TYW1: variants seen among roughly 807,000 people sequenced by gnomAD.
TYW1 encodes tRNA-yW synthesizing protein 1 homolog.
A neutral mutation model predicts 96.2 loss-of-function variants in TYW1; 46 were observed. The ratio of observed to expected loss-of-function variants is 0.48; its 90% CI spans 0.38 to 0.61. The LOEUF (loss-of-function observed/expected upper bound fraction) is 0.61. TYW1 is among the 20% of genes least tolerant of loss of function. The pLI, the probability that TYW1 is intolerant of heterozygous loss-of-function variation, is 0.00. For synonymous variants in TYW1, 274 were observed against 323.0 expected, an observed-to-expected ratio of 0.85 and a Z score of 1.63; for missense variants, 684 against 909.6, an observed-to-expected ratio of 0.75 and a Z score of 3.19.
chr7:67,046,249 T>C (rs544148371), intron 7 of TYW1, among the ~76,000 whole-genome samples: 2 of 152,276 alleles, frequency 1.3e-5, no homozygotes, highest in East Asian at 3.9e-4. Flanking sequence ...TAATTCTCTC[T>C]TTTCCCTGAT....
chr7:67,179,965 A>G (rs1459477809), intron 13 of TYW1, among the ~76,000 whole-genome samples: 3 of 106,022 alleles, frequency 2.8e-5, no homozygotes, highest in African/African-American at 8.7e-5. Flanking sequence ...CCCAAGCTCA[A>G]GCAATCCTCC....
intron 13 of TYW1, among the ~76,000 whole-genome samples, chr7:67,136,681 G>GTA (rs1563033290): frequency 3.1e-5 from 4 of 129,426 alleles, no homozygotes; most frequent in African/African-American, 1.1e-4. Context: ...GTGTGTGTGT[G>GTA]TGTGTATATA....
intron 15 of TYW1, among the ~76,000 whole-genome samples, chr7:67,226,818 C>T (rs1404198327): frequency 1.3e-5 from 2 of 152,078 alleles, no homozygotes; most frequent in East Asian, 3.9e-4. Flanking sequence ...TCACTTCTCC[C>T]TCAGACGACC....
intron 13 of TYW1, among the ~76,000 whole-genome samples, chr7:67,118,764 C>T (rs145950766): frequency 5.2e-4 from 79 of 151,316 alleles, no homozygotes; most frequent in East Asian, 3.5e-3. Context: ...CCTGTGGTCC[C>T]AGCTACTCAG....
intron 15 of TYW1, among the ~76,000 whole-genome samples, chr7:67,209,909 A>C (rs1302948345): frequency 6.6e-6 from 1 of 152,040 alleles, no homozygotes; most frequent in Non-Finnish European, 1.5e-5. Context: ...GTTTTACAGA[A>C]GTTTTTGATT....
intron 10 of TYW1, among the ~76,000 whole-genome samples, chr7:67,077,276 T>A (rs1796235996): frequency 6.6e-6 from 1 of 152,230 alleles, no homozygotes; most frequent in Admixed American, 6.5e-5. Flanking sequence ...GTGGGGTTGC[T>A]GGATCATATG....
chr7:67,102,349 C>T (rs915710892), intron 12 of TYW1, among the ~76,000 whole-genome samples: 16 of 152,198 alleles, frequency 1.1e-4, no homozygotes, highest in African/African-American at 3.9e-4. Flanking sequence ...GGTGAGTCTT[C>T]TCAGGCCTGC....
intron 14 of TYW1, among the ~76,000 whole-genome samples, chr7:67,194,239 AG>A (rs1800315636): frequency 6.6e-6 from 1 of 152,000 alleles, no homozygotes; most frequent in East Asian, 1.9e-4. Context: ...TTGTGTGTAA[AG>A]GTATATAGGT....
At chr7:67,042,865 C>G (rs1345820007) in intron 7 of TYW1, among the ~76,000 whole-genome samples, 1 of 151,904 alleles carries the variant, frequency 6.6e-6, no homozygotes, top group East Asian at 1.9e-4. Context: ...GATGTGGTGG[C>G]ACACGCCTGT....
At chr7:67,109,989 C>A (rs1455269403) in intron 12 of TYW1, among the ~76,000 whole-genome samples, 1 of 152,156 alleles carries the variant, frequency 6.6e-6, no homozygotes, top group African/African-American at 2.4e-5. Context: ...AAGTCTCATT[C>A]CTGGGAAATT....
At chr7:67,184,864 C>T (rs1455992078) in intron 14 of TYW1, among the ~76,000 whole-genome samples, 2 of 151,518 alleles carry the variant, frequency 1.3e-5, no homozygotes, top group African/African-American at 4.9e-5. Context: ...CCCACTACCG[C>T]ACCTGGCTAA....
chr7:67,032,854 G>A (rs1040768389), intron 7 of TYW1, among the ~76,000 whole-genome samples: 1 of 128,938 alleles, frequency 7.8e-6, no homozygotes, highest in African/African-American at 3.0e-5. Context: ...CTTCTTTTTT[G>A]AGCCCATTTT....
chr7:67,195,650 C>T (rs1468650828), intron 15 of TYW1, among the ~76,000 whole-genome samples: 2 of 152,138 alleles, frequency 1.3e-5, no homozygotes, highest in African/African-American at 4.8e-5. Context: ...CCTGGAATGA[C>T]AGGGAAAAGC....
At chr7:67,157,269 A>G (rs181494694) in intron 13 of TYW1, among the ~76,000 whole-genome samples, 4 of 152,256 alleles carry the variant, frequency 2.6e-5, no homozygotes, top group African/African-American at 9.6e-5. Context: ...ATTTGTTACA[A>G]TTTATGAACC....
intron 7 of TYW1, among the ~76,000 whole-genome samples, chr7:67,037,159 A>G (rs893921329): frequency 2.6e-5 from 4 of 152,096 alleles, no homozygotes; most frequent in African/African-American, 9.7e-5. Context: ...CCGCCATGAG[A>G]CACCTAATTA....
Position 66,998,799 on chromosome 7 carries a change from T to A in TYW1, c.136-18T>A, listed in dbSNP as rs771205509. 4 of 1,613,068 alleles carry A rather than the reference T, an allele frequency of 2.5e-6. No individual in the cohort carries two copies. Among genetic ancestry groups the A allele is most frequent in the Non-Finnish European group, 2.5e-6 (3 of 1,179,606 alleles). On this transcript the variant is annotated intron_variant, in intron 2 of 15. Coordinates refer to ENST00000359626, the MANE Select transcript of TYW1 (RefSeq NM_018264.4). ...CGATTTAGACTTGATGGATTTTGTG[T>A]AATTATTTGTCTTCAAGGGCAAGAA...
chr7:67,200,569 C>A (rs982903252), intron 15 of TYW1, among the ~76,000 whole-genome samples: 1 of 152,122 alleles, frequency 6.6e-6, no homozygotes, highest in Non-Finnish European at 1.5e-5. Flanking sequence ...CCACCAGGTC[C>A]TTCCCACAAT....
intron 7 of TYW1, among the ~76,000 whole-genome samples, chr7:67,046,289 CT>C (rs1250738462): frequency 2.6e-5 from 4 of 152,062 alleles, no homozygotes; most frequent in African/African-American, 9.7e-5. Flanking sequence ...TTGTGGTTGA[CT>C]TTTTAGTTCT....
chr7:67,100,484 G>GA lies in TYW1; in HGVS notation c.1562+1777dup, dbSNP rs35003364. ...GGGTAGTGAAATATTGGGGAAATAG[G>GA]AAAAAAAAAAAGATCTTTTTGAATT... On this transcript the variant is annotated intron_variant, in intron 12 of 15. Transcript: ENST00000359626. 1.6e-3 allele frequency among the ~76,000 whole-genome samples: 228 copies of GA among 142,932 alleles called. 1 individual carries two copies. Among genetic ancestry groups the GA allele is most frequent in the African/African-American group, 4.9e-3 (191 of 38,892 alleles). The allele number at this position is 142,932 out of a possible 152,430, so 93.8% of individuals were successfully genotyped here.
Sources: gnomAD v4.1 joint callset for allele counts (sites outside exome capture counted in the v4.1 genomes callset) on GRCh38, gnomAD v4.1.1 for gene constraint, MANE v1.5 for transcripts, NCBI Gene and HGNC (gene_info 2026-07-23, HGNC 2026-07-21) for gene names.